The following PSD2 variants were observed in gnomAD, a reference collection of about 807,000 sequenced individuals.
PSD2 encodes the protein pleckstrin and Sec7 domain containing 2.
PSD2 carries 38 observed loss-of-function variants against 69.8 expected under a neutral mutation model. The observed-to-expected ratio is 0.54, with a 90% CI of 0.42 to 0.71. The LOEUF (loss-of-function observed/expected upper bound fraction) is 0.71, where lower values mean the gene tolerates loss of function less well. PSD2 is among the 30% of genes least tolerant of loss of function. PSD2 has a pLI of 0.00. For synonymous variants in PSD2, 412 were observed against 423.0 expected (o/e 0.97, Z 0.32); for missense variants, 943 against 1,014.5 (o/e 0.93, Z 0.96).
intron 1 of PSD2, among the ~76,000 whole-genome samples, chr5:139,805,079 G>A (rs1298066481): frequency 2.6e-5 from 4 of 152,044 alleles, no homozygotes; most frequent in Non-Finnish European, 4.4e-5. Context: ...CGTGTGTCTG[G>A]GCATGTGTAC....
Position 139,837,540 on chromosome 5 carries a change from TAGGGTTAGACAGAGAGCAGTG to T in PSD2, c.1666-80_1666-60del. 1 of 1,390,446 alleles carries T rather than the reference TAGGGTTAGACAGAGAGCAGTG, an allele frequency of 7.2e-7. No individual in the cohort carries two copies. The highest frequency in any genetic ancestry group is 9.8e-7 in the Non-Finnish European group (1 of 1,018,784). The allele number at this position is 1,390,446 out of a possible 1,614,324, so 86.1% of individuals were successfully genotyped here. On this transcript the variant is annotated intron_variant, in intron 11 of 14. Coordinates refer to ENST00000274710, the MANE Select transcript of PSD2 (RefSeq NM_032289.4). The surrounding 1 kb of genome is among the most constrained non-coding windows in gnomAD (Gnocchi z 5.0). ...CAGGAACAGAAAATTAAGGGAGCCG[TAGGGTTAGACAGAGAGCAGTG>T]AGGGGAGGGGAGAGTGGAAGGTGTG...
At chr5:139,767,847 A>G in the PSD2 span, among the ~76,000 whole-genome samples, 2 of 152,248 alleles carry the variant, frequency 1.3e-5, no homozygotes, top group African/African-American at 4.8e-5. Flanking sequence ...TGACAGAGGT[A>G]AGGCTCTTGC....
At chr5:139,790,061 C>G in the PSD2 span, among the ~76,000 whole-genome samples, 12 of 152,054 alleles carry the variant, frequency 7.9e-5, no homozygotes, top group South Asian at 1.9e-3. Flanking sequence ...GGTGTGTCTG[C>G]AGGAGAATGA....
At chr5:139,830,557 C>CTTTTCTTTCTTTCTTTCTTT (rs1561605159) in intron 7 of PSD2, among the ~76,000 whole-genome samples, 1 of 132,990 alleles carries the variant, frequency 7.5e-6, no homozygotes, top group African/African-American at 3.2e-5. Context: ...TTCCTTCCTT[C>CTTTTCTTTCTTTCTTTCTTT]CTTCCTTCCT....
chr5:139,777,401 G>A, the PSD2 span, among the ~76,000 whole-genome samples: 3 of 152,180 alleles, frequency 2.0e-5, no homozygotes, highest in Non-Finnish European at 2.9e-5. Flanking sequence ...AGAGGCAAAA[G>A]CAAGACTATT....
At chr5:139,772,182 G>C in the PSD2 span, among the ~76,000 whole-genome samples, 1 of 152,154 alleles carries the variant, frequency 6.6e-6, no homozygotes, top group East Asian at 1.9e-4. Flanking sequence ...AGCGTCCCCA[G>C]ACTGGGTCCT....
chr5:139,803,270 C>T (rs775901657), intron 1 of PSD2, among the ~76,000 whole-genome samples: 15 of 152,252 alleles, frequency 9.9e-5, no homozygotes, highest in Non-Finnish European at 1.2e-4. Context: ...TCTAGCTGGG[C>T]TTCTGAAGCC....
At chr5:139,761,963 G>A in the PSD2 span, among the ~76,000 whole-genome samples, 1 of 152,314 alleles carries the variant, frequency 6.6e-6, no homozygotes, top group Non-Finnish European at 1.5e-5. Context: ...TAGCCTTTCT[G>A]AGCCTCCGTT....
the PSD2 span, among the ~76,000 whole-genome samples, chr5:139,745,410 C>T: frequency 2.6e-5 from 4 of 152,254 alleles, no homozygotes; most frequent in African/African-American, 9.6e-5. Context: ...TTAACAGCCC[C>T]ACTCCAAGTC....
intron 13 of PSD2, 26 bp downstream of exon 13, chr5:139,838,798 G>A: frequency 6.3e-7 from 1 of 1,599,076 alleles, no homozygotes; most frequent in Admixed American, 1.7e-5. Flanking sequence ...TCAACATTTT[G>A]CCTCCCCAGG....
At chr5:139,836,506 G>A (rs936017601) in intron 9 of PSD2, among the ~76,000 whole-genome samples, 4 of 152,230 alleles carry the variant, frequency 2.6e-5, no homozygotes, top group African/African-American at 9.6e-5. Flanking sequence ...AGAGGAGAAG[G>A]AAGACTAGGA....
the PSD2 span, among the ~76,000 whole-genome samples, chr5:139,770,581 C>G: frequency 1.3e-5 from 2 of 152,040 alleles, no homozygotes; most frequent in African/African-American, 2.4e-5. Context: ...AACAAACAAA[C>G]AAACAAAAAA....
chr5:139,780,439 T>G, the PSD2 span, among the ~76,000 whole-genome samples: 8 of 152,308 alleles, frequency 5.3e-5, no homozygotes, highest in East Asian at 5.8e-4. Flanking sequence ...ATTTCTTTTT[T>G]TTGTTGTTGT....
At chr5:139,752,445 C>T in the PSD2 span, among the ~76,000 whole-genome samples, 2 of 152,162 alleles carry the variant, frequency 1.3e-5, no homozygotes, top group Non-Finnish European at 2.9e-5. Context: ...CACAATCACG[C>T]ACACACTCAC....
At position 139,814,410 on chromosome 5, in the gene PSD2, C is replaced by A; in HGVS notation, c.1016+46C>A. 1 of 1,516,672 alleles carries A rather than the reference C, an allele frequency of 6.6e-7. No individual in the cohort carries two copies. The highest frequency in any genetic ancestry group is 8.9e-7 in the Non-Finnish European group (1 of 1,129,922). 94.0% of individuals were successfully genotyped at this position (1,516,672 alleles called of 1,614,324 possible). A position where few individuals can be genotyped will look rare whatever the true frequency, so the allele number is the denominator to read the frequency against. ...CCCCAACCCTGGGCAAACCTCGTGT[C>A]TTCCTCAACCTGAAGAGGGTGTGGG... is the stretch of plus-strand genomic sequence containing the variant. On this transcript the variant is annotated intron_variant, in intron 4 of 14. Transcript: ENST00000274710. This position sits in a 1 kb window ranked among gnomAD's most constrained non-coding sequence, Gnocchi z 4.4.
chr5:139,804,266 C>G (rs1170275049), intron 1 of PSD2, among the ~76,000 whole-genome samples: 2 of 151,982 alleles, frequency 1.3e-5, no homozygotes, highest in East Asian at 3.9e-4. Flanking sequence ...TGGGGGTGTT[C>G]AGGGTGGGTT....
At chr5:139,764,324 G>A in the PSD2 span, among the ~76,000 whole-genome samples, 3 of 152,240 alleles carry the variant, frequency 2.0e-5, no homozygotes, top group Admixed American at 6.5e-5. Flanking sequence ...GAATTAATGA[G>A]TGGGGGCTGC....
chr5:139,799,201 T>G (rs1207651037), intron 1 of PSD2, among the ~76,000 whole-genome samples: 1 of 152,132 alleles, frequency 6.6e-6, no homozygotes, highest in African/African-American at 2.4e-5. Context: ...GTCCCTGTAT[T>G]TCAATTCTGT....
At chr5:139,824,083 G>A (rs563586451) in intron 7 of PSD2, among the ~76,000 whole-genome samples, 13 of 152,346 alleles carry the variant, frequency 8.5e-5, no homozygotes, top group African/African-American at 2.9e-4. Context: ...CCCCTAGACT[G>A]TGCCCTCTGT....
Sources: gnomAD v4.1 joint callset for allele counts (sites outside exome capture counted in the v4.1 genomes callset) on GRCh38, gnomAD v4.1.1 for gene constraint, Gnocchi (gnomAD v3.1) non-coding constraint, MANE v1.5 for transcripts, NCBI Gene and HGNC (gene_info 2026-07-23, HGNC 2026-07-21) for gene names.